FAM227B: variants seen among roughly 807,000 people sequenced by gnomAD.
FAM227B encodes family with sequence similarity 227 member B.
FAM227B carries 88 observed loss-of-function variants against 73.8 expected under a neutral mutation model. The ratio of observed to expected loss-of-function variants is 1.19; its 90% CI spans 1.00 to 1.42. FAM227B has a LOEUF of 1.42. Ranked by LOEUF, FAM227B falls within the 40% of genes most tolerant of loss-of-function variation. FAM227B has a pLI of 0.00. For synonymous variants in FAM227B, 210 were observed against 190.5 expected, an observed-to-expected ratio of 1.10 and a Z score of -0.84; for missense variants, 632 against 590.9, an observed-to-expected ratio of 1.07 and a Z score of -0.72.
intron 11 of FAM227B, among the ~76,000 whole-genome samples, chr15:49,483,560 G>T (rs28409376): frequency 0.18 from 27,949 of 151,738 alleles, 3,168 homozygotes; most frequent in Non-Finnish European, 0.25. Flanking sequence ...ATTTCCATTT[G>T]CCAGTATTAA....
chr15:49,604,890 G>A (rs1202367629), intron 3 of FAM227B, among the ~76,000 whole-genome samples: 1 of 151,930 alleles, frequency 6.6e-6, no homozygotes, highest in Admixed American at 6.6e-5. Context: ...GAATTTCTGT[G>A]TGTGGATTTT....
intron 15 of FAM227B, chr15:49,330,994 C>T (rs2038615123): frequency 6.6e-6 from 1 of 152,186 alleles, no homozygotes; most frequent in Non-Finnish European, 1.5e-5. Context: ...GTCCTGTTTG[C>T]TTATTATACT....
chr15:49,387,011 T>C, intron 11 of FAM227B, among the ~76,000 whole-genome samples: 1 of 151,404 alleles, frequency 6.6e-6, no homozygotes, highest in East Asian at 1.9e-4. Flanking sequence ...TTAAAAATTG[T>C]CAACAAAATA....
At chr15:49,573,328 C>T (rs1471284292) in intron 8 of FAM227B, among the ~76,000 whole-genome samples, 3 of 152,030 alleles carry the variant, frequency 2.0e-5, no homozygotes, top group Non-Finnish European at 2.9e-5. Context: ...AGGATATTTT[C>T]CTAGCTCAGA....
At chr15:49,543,314 G>C (rs527607173) in intron 9 of FAM227B, among the ~76,000 whole-genome samples, 1 of 152,064 alleles carries the variant, frequency 6.6e-6, no homozygotes, top group Admixed American at 6.6e-5. Context: ...CTTCTTTTGA[G>C]AACTGTCTAT....
chr15:49,577,745 T>C (rs961980608), intron 5 of FAM227B, 81 bp from the exon 6 acceptor site: 3 of 745,596 alleles, frequency 4.0e-6, no homozygotes, highest in East Asian at 2.8e-5. Context: ...AGTTAACTAG[T>C]ATGCATAGAT....
At chr15:49,525,408 G>A (rs2060090440) in intron 10 of FAM227B, among the ~76,000 whole-genome samples, 1 of 152,008 alleles carries the variant, frequency 6.6e-6, no homozygotes, top group Non-Finnish European at 1.5e-5. Context: ...GGAACTGTAA[G>A]TCCATTAAAC....
At chr15:49,565,396 A>AG (rs2074577324) in intron 9 of FAM227B, among the ~76,000 whole-genome samples, 1 of 151,810 alleles carries the variant, frequency 6.6e-6, no homozygotes, top group Non-Finnish European at 1.5e-5. Flanking sequence ...AAAAAAAAAA[A>AG]AAAATCAGAA....
intron 13 of FAM227B, 28 bp from the exon 14 acceptor site, chr15:49,335,524 T>C: frequency 6.4e-7 from 1 of 1,555,358 alleles, no homozygotes; most frequent in Non-Finnish European, 8.9e-7. Flanking sequence ...AAGGAATGAT[T>C]TTCAATTAGG....
intron 10 of FAM227B, among the ~76,000 whole-genome samples, chr15:49,520,307 C>T (rs1309691420): frequency 1.3e-5 from 2 of 152,130 alleles, no homozygotes; most frequent in African/African-American, 4.8e-5. Flanking sequence ...TCTTCTGAGC[C>T]CTCCAAGTCT....
At chr15:49,574,852 A>G (rs2075348506) in intron 8 of FAM227B, 159 bp downstream of exon 8, 2 of 428,404 alleles carry the variant, frequency 4.7e-6, no homozygotes, top group African/African-American at 2.1e-5. Context: ...CTCTGAAAGA[A>G]CTCTAGACAT....
intron 13 of FAM227B, among the ~76,000 whole-genome samples, chr15:49,354,598 G>A (rs551027391): frequency 1.3e-5 from 2 of 152,154 alleles, no homozygotes; most frequent in African/African-American, 4.8e-5. Context: ...AGGGTCCTAC[G>A]CCCACGGAGT....
intron 12 of FAM227B, 193 bp from the exon 13 acceptor site, chr15:49,367,801 T>G: frequency 2.6e-6 from 1 of 381,724 alleles, no homozygotes. Flanking sequence ...GTAAGGCTCT[T>G]CTACTCTTTT....
In FAM227B at chr15:49,327,852, T is replaced by C; in HGVS notation, c.*716A>G. 5 of 1,140,706 alleles carry C rather than the reference T, an allele frequency of 4.4e-6. No homozygotes were observed. The highest frequency in any genetic ancestry group is 6.2e-6 in the Non-Finnish European group (5 of 810,312). The allele number at this position is 1,140,706 out of a possible 1,614,324, so 70.7% of individuals were successfully genotyped here. On this transcript the variant is annotated 3_prime_UTR_variant, in exon 16 of 16. Transcript: ENST00000299338. ...ACACCTAAAAACCCCGCATGTATTTTCTTCTTAGAACTTAGATAGGCTATG... is the reference window on the plus strand; with the variant it reads ...ACACCTAAAAACCCCGCATGTATTTCCTTCTTAGAACTTAGATAGGCTATG...
chr15:49,619,468 G>GA (rs2078519391), intron 1 of FAM227B, among the ~76,000 whole-genome samples: 2 of 152,154 alleles, frequency 1.3e-5, no homozygotes, highest in African/African-American at 4.8e-5. Context: ...TGACTACCTT[G>GA]CTGCCATACT....
intron 11 of FAM227B, among the ~76,000 whole-genome samples, chr15:49,403,141 G>C (rs927359646): frequency 1.3e-5 from 2 of 152,122 alleles, no homozygotes; most frequent in Admixed American, 6.5e-5. Flanking sequence ...ACTTGATCAT[G>C]GTGGATAAGC....
chr15:49,379,728 C>A (rs1482678346), intron 11 of FAM227B, among the ~76,000 whole-genome samples: 1 of 152,164 alleles, frequency 6.6e-6, no homozygotes, highest in Non-Finnish European at 1.5e-5. Context: ...TCACCCCTTA[C>A]TTTCTCCCAA....
intron 11 of FAM227B, among the ~76,000 whole-genome samples, chr15:49,433,488 A>G (rs2050800475): frequency 6.6e-6 from 1 of 151,790 alleles, no homozygotes; most frequent in Admixed American, 6.6e-5. Context: ...TAAGAAATAG[A>G]TTACTAAATT....
chr15:49,352,770 T>C (rs1472289115), intron 13 of FAM227B, among the ~76,000 whole-genome samples: 1 of 152,116 alleles, frequency 6.6e-6, no homozygotes, highest in Non-Finnish European at 1.5e-5. Context: ...CAATCCAAAA[T>C]TATAATATCA....
Sources: gnomAD v4.1 joint callset for allele counts (sites outside exome capture counted in the v4.1 genomes callset) on GRCh38, gnomAD v4.1.1 for gene constraint, MANE v1.5 for transcripts, NCBI Gene and HGNC (gene_info 2026-07-23, HGNC 2026-07-21) for gene names.